The following KRTAP11-1 variants were observed in gnomAD, a reference collection of about 807,000 sequenced individuals.
KRTAP11-1 encodes keratin associated protein 11-1.
A neutral mutation model predicts 13.9 loss-of-function variants in KRTAP11-1; 17 were observed. That is an observed-to-expected ratio of 1.23 (90% CI 0.84 to 1.84). The LOEUF (loss-of-function observed/expected upper bound fraction) is 1.84, where lower values mean the gene tolerates loss of function less well. KRTAP11-1 is among the 40% of genes most tolerant of loss of function. KRTAP11-1 has a pLI of 0.00. For missense variants in KRTAP11-1, 181 were observed against 200.9 expected (o/e 0.90, Z 0.60); for synonymous variants, 69 against 81.6 (o/e 0.85, Z 0.84).
chr21:30,880,919 G>T lies in KRTAP11-1; in HGVS notation c.*114C>A. 5 of 1,377,992 alleles carry T rather than the reference G, an allele frequency of 3.6e-6. No homozygotes were observed. Among genetic ancestry groups the T allele is most frequent in the Non-Finnish European group, 5.0e-6 (5 of 1,009,404 alleles). 85.4% of individuals were successfully genotyped at this position (1,377,992 alleles called of 1,614,324 possible). A position where few individuals can be genotyped will look rare whatever the true frequency, so the allele number is the denominator to read the frequency against. On this transcript the variant is annotated 3_prime_UTR_variant, in exon 1 of 1. Transcript: ENST00000332378. ...ATGGATAGTAGCCAGCAGTCAGGCG[G>T]TCACAAGAAGGGTCAGCTATGAAGA...
In KRTAP11-1 at chr21:30,881,224, T is replaced by A; in HGVS notation, c.301A>T (p.Ser101Cys). The change falls in exon 1 of 1, where the codon AGC becomes TGC. Residue 101 changes from serine (S) to cysteine (C), a missense_variant. By Grantham distance (112) the Ser-to-Cys change is moderately radical. Transcript: ENST00000332378. ...CISNPCSTTY[S>C]RPLTFVSSGC... ...CTAGAGACAAAGGTGAGCGGCCGGC[T>A]GTAGGTAGTTGAGCAGGGGTTGGAA... is the stretch of plus-strand genomic sequence containing the variant. 6.2e-7 allele frequency: 1 copy of A among 1,614,062 alleles called. No homozygotes were observed. The highest frequency in any genetic ancestry group is 8.5e-7 in the Non-Finnish European group (1 of 1,180,010).
At position 30,880,835 on chromosome 21, in the gene KRTAP11-1, C is replaced by A. The variant is rs1399681764; in HGVS notation, c.*198G>T. 3.1e-6 allele frequency: 2 copies of A among 637,908 alleles called. No homozygotes were observed. The highest frequency in any genetic ancestry group is 5.4e-6 in the Non-Finnish European group (2 of 371,986). 39.5% of individuals were successfully genotyped at this position (637,908 alleles called of 1,614,324 possible). A position where few individuals can be genotyped will look rare whatever the true frequency, so the allele number is the denominator to read the frequency against. On this transcript the variant is annotated 3_prime_UTR_variant, in exon 1 of 1. Transcript: ENST00000332378. ...GGCATACACAGCACCAGTGAGCAAC[C>A]CTTAAAACAAGCTTAGGGCTGGCCA...
At position 30,880,725 on chromosome 21, in the gene KRTAP11-1, C is replaced by T. The variant is rs1281706884; in HGVS notation, c.*308G>A. 1 of 349,962 alleles carries T rather than the reference C, an allele frequency of 2.9e-6. No homozygotes were observed. Among genetic ancestry groups the T allele is most frequent in the Non-Finnish European group, 5.2e-6 (1 of 192,098 alleles). 21.7% of individuals were successfully genotyped at this position (349,962 alleles called of 1,614,324 possible). A position where few individuals can be genotyped will look rare whatever the true frequency, so the allele number is the denominator to read the frequency against. On this transcript the variant is annotated 3_prime_UTR_variant, in exon 1 of 1. Coordinates refer to ENST00000332378, the MANE Select transcript of KRTAP11-1 (RefSeq NM_175858.3). The stretch of plus-strand genomic sequence containing the variant: ...TTTTTGTGAGACACAAAAGCAGAGG[C>T]CAGGAGATACAGCAGCAAGGTGAAA...
In KRTAP11-1 at chr21:30,880,896, G is replaced by T; in HGVS notation, c.*137C>A. On this transcript the variant is annotated 3_prime_UTR_variant, in exon 1 of 1. Transcript: ENST00000332378. ...AGAGTGCTAAAGACAGCGTGTGCAT[G>T]GATAGTAGCCAGCAGTCAGGCGGTC... is the stretch of plus-strand genomic sequence containing the variant. 1 of 1,166,948 alleles carries T rather than the reference G, an allele frequency of 8.6e-7. No homozygotes were observed. 72.3% of individuals were successfully genotyped at this position (1,166,948 alleles called of 1,614,324 possible).
In KRTAP11-1 at chr21:30,881,008, G is replaced by A; in HGVS notation, c.*25C>T. The A allele has an allele frequency of 2.5e-6, 4 of 1,593,402 alleles. No homozygotes were observed. Among genetic ancestry groups the A allele is most frequent in the Non-Finnish European group, 3.4e-6 (4 of 1,167,782 alleles). ...AACAGCTGGCAGGTCGTGGAGTCTTGATTCGCTCACTGGCTCCTACACACT... is the reference window on the plus strand; with the variant it reads ...AACAGCTGGCAGGTCGTGGAGTCTTAATTCGCTCACTGGCTCCTACACACT... On this transcript the variant is annotated 3_prime_UTR_variant, in exon 1 of 1. Coordinates refer to ENST00000332378, the MANE Select transcript of KRTAP11-1 (RefSeq NM_175858.3).
Position 30,881,376 on chromosome 21 carries a change from G to C in KRTAP11-1, c.149C>G (p.Ser50Cys). The C allele has an allele frequency of 6.2e-7, 1 of 1,614,150 alleles. No individual in the cohort carries two copies. Among genetic ancestry groups the C allele is most frequent in the Non-Finnish European group, 8.5e-7 (1 of 1,180,016 alleles). Residue 50 changes from serine (S) to cysteine (C), a missense_variant, in exon 1 of 1, where the codon TCT becomes TGT. Ser to Cys is a moderately radical substitution (Grantham distance 112, BLOSUM62 -1). Transcript: ENST00000332378. ...CTCTTGACAGTGGTCCAGGAGCCAA[G>C]AGCCAGTCTGGAAGGAACTGGGCAA... The part of the protein sequence containing the change: ...ICLPSSFQTG[S>C]WLLDHCQETC...
Position 30,880,684 on chromosome 21 carries a change from G to C in KRTAP11-1, c.*349C>G. On this transcript the variant is annotated 3_prime_UTR_variant, in exon 1 of 1. Transcript: ENST00000332378. Reference sequence around the variant, plus strand: ...AATGCAGGTTTATTGAGAAATACATGGTGAGACAAGCTCTGTTTTTGTGAG... The same window carrying C: ...AATGCAGGTTTATTGAGAAATACATCGTGAGACAAGCTCTGTTTTTGTGAG... The C allele has an allele frequency of 3.7e-6, 1 of 270,548 alleles. No homozygotes were observed. Among genetic ancestry groups the C allele is most frequent in the Non-Finnish European group, 7.0e-6 (1 of 142,426 alleles). 16.8% of individuals were successfully genotyped at this position (270,548 alleles called of 1,614,324 possible).
Position 30,881,221 on chromosome 21 carries a change from G to C in KRTAP11-1, c.304C>G (p.Arg102Gly), listed in dbSNP as rs375660290. 6.2e-7 allele frequency: 1 copy of C among 1,614,024 alleles called. No individual in the cohort carries two copies. The highest frequency in any genetic ancestry group is 8.5e-7 in the Non-Finnish European group (1 of 1,180,034). The change falls in exon 1 of 1, where the codon CGG (arginine) becomes GGG (glycine). Residue 102 changes from arginine to glycine, a missense_variant. Arg to Gly is a moderately radical substitution (Grantham distance 125). Transcript: ENST00000332378. Reference sequence around the variant, plus strand: ...CCACTAGAGACAAAGGTGAGCGGCCGGCTGTAGGTAGTTGAGCAGGGGTTG... The same window carrying C: ...CCACTAGAGACAAAGGTGAGCGGCCCGCTGTAGGTAGTTGAGCAGGGGTTG... ...ISNPCSTTYS[R>G]PLTFVSSGCQ...
At position 30,881,471 on chromosome 21, in the gene KRTAP11-1, G is replaced by A. The variant is rs773150980; in HGVS notation, c.54C>T (p.Arg18=). The A allele has an allele frequency of 1.2e-6, 2 of 1,613,906 alleles. No homozygotes were observed. Among genetic ancestry groups the A allele is most frequent in the East Asian group, 2.2e-5 (1 of 44,874 alleles). ...RNCSSRPIGG[R]CIVPVAQVTT... ...TAACTTGGGCCACTGGAACAATGCA[G>A]CGTCCTCCAATGGGCCTGGAAGAGC... The change falls in exon 1 of 1, where the codon CGC becomes CGT. Residue 18 remains arginine (R), a synonymous_variant. Transcript: ENST00000332378.
At position 30,880,954 on chromosome 21, in the gene KRTAP11-1, G is replaced by A. The variant is rs1043020424; in HGVS notation, c.*79C>T. On this transcript the variant is annotated 3_prime_UTR_variant, in exon 1 of 1. Coordinates refer to ENST00000332378, the MANE Select transcript of KRTAP11-1 (RefSeq NM_175858.3). Reference sequence around the variant, plus strand: ...GGGTCAGCTATGAAGAGCTATTCAGGGACAAGCAGCATGCTGGAAGATCCT... The same window carrying A: ...GGGTCAGCTATGAAGAGCTATTCAGAGACAAGCAGCATGCTGGAAGATCCT... 2.6e-6 allele frequency: 4 copies of A among 1,533,718 alleles called. No homozygotes were observed. In the South Asian group the frequency reaches 5.1e-5, roughly 19 times the overall value.
At position 30,881,141 on chromosome 21, in the gene KRTAP11-1, A is replaced by G. The variant is rs1986202564; in HGVS notation, c.384T>C (p.Ser128=). ...CTCCTCCCACTGGTTGGCAGACAGTAGAGATGCCGCCCACTGGTTGGCAGA... is the reference window on the plus strand; with the variant it reads ...CTCCTCCCACTGGTTGGCAGACAGTGGAGATGCCGCCCACTGGTTGGCAGA... The part of the protein sequence containing the change: ...SSVCQPVGGI[S]TVCQPVGGVS... Residue 128 remains serine, a synonymous_variant, in exon 1 of 1, where the codon TCT becomes TCC. Coordinates refer to ENST00000332378, the MANE Select transcript of KRTAP11-1 (RefSeq NM_175858.3). 1 of 1,614,106 alleles carries G rather than the reference A, an allele frequency of 6.2e-7. No homozygotes were observed.
chr21:30,881,456 C>G lies in KRTAP11-1; in HGVS notation c.69G>C (p.Val23=). The change falls in exon 1 of 1, where the codon GTG becomes GTC. Residue 23 remains valine (V), a synonymous_variant. Transcript: ENST00000332378. The part of the protein sequence containing the change: ...RPIGGRCIVP[V]AQVTTTSTTD... The stretch of plus-strand genomic sequence containing the variant: ...TGGTGGAAGTCGTGGTAACTTGGGC[C>G]ACTGGAACAATGCAGCGTCCTCCAA... The G allele has an allele frequency of 6.2e-7, 1 of 1,614,052 alleles. No homozygotes were observed. Among genetic ancestry groups the G allele is most frequent in the Non-Finnish European group, 8.5e-7 (1 of 1,179,990 alleles).
chr21:30,880,846 G>T lies in KRTAP11-1; in HGVS notation c.*187C>A. ...CACCAGTGAGCAACCCTTAAAACAAGCTTAGGGCTGGCCAGAAAAATTTTA... is the reference window on the plus strand; with the variant it reads ...CACCAGTGAGCAACCCTTAAAACAATCTTAGGGCTGGCCAGAAAAATTTTA... On this transcript the variant is annotated 3_prime_UTR_variant, in exon 1 of 1. Transcript: ENST00000332378. 1 of 689,424 alleles carries T rather than the reference G, an allele frequency of 1.5e-6. No homozygotes were observed. Among genetic ancestry groups the T allele is most frequent in the Non-Finnish European group, 2.4e-6 (1 of 414,514 alleles). The allele number at this position is 689,424 out of a possible 1,614,324, so 42.7% of individuals were successfully genotyped here.
At position 30,881,217 on chromosome 21, in the gene KRTAP11-1, G is replaced by A. The variant is rs140256188; in HGVS notation, c.308C>T (p.Pro103Leu). ...SNPCSTTYSR[P>L]LTFVSSGCQP... is the part of the protein sequence containing the mutation. ...ACATCCACTAGAGACAAAGGTGAGC[G>A]GCCGGCTGTAGGTAGTTGAGCAGGG... The change falls in exon 1 of 1, where the codon CCG becomes CTG. Residue 103 changes from proline to leucine, a missense_variant. Pro to Leu is a moderately conservative substitution (Grantham distance 98). Coordinates refer to ENST00000332378, the MANE Select transcript of KRTAP11-1 (RefSeq NM_175858.3). The A allele has an allele frequency of 3.7e-5, 60 of 1,613,996 alleles. No homozygotes were observed. The highest frequency in any genetic ancestry group is 4.6e-5 in the Non-Finnish European group (54 of 1,180,014).
In KRTAP11-1 at chr21:30,881,353, CTT is replaced by C; in HGVS notation, c.170_171del (p.Gln57ArgfsTer5). 1 of 1,614,104 alleles carries C rather than the reference CTT, an allele frequency of 6.2e-7. No individual in the cohort carries two copies. Among genetic ancestry groups the C allele is most frequent in the Non-Finnish European group, 8.5e-7 (1 of 1,180,008 alleles). ...QTGSWLLDHC[Q>X]ETCCEPTACQ... is the part of the protein sequence containing the mutation. ...CAAGCAGTGGGCTCACAGCAGGTCT[CTT>C]GACAGTGGTCCAGGAGCCAAGAGCC... On this transcript the variant is annotated frameshift_variant, in exon 1 of 1. Transcript: ENST00000332378. LOFTEE classifies it high-confidence loss of function.
Position 30,880,739 on chromosome 21 carries a change from A to T in KRTAP11-1, c.*294T>A. ...AAAAGCAGAGGCCAGGAGATACAGC[A>T]GCAAGGTGAAAACATGTCAAAAGCA... is the stretch of plus-strand genomic sequence containing the variant. On this transcript the variant is annotated 3_prime_UTR_variant, in exon 1 of 1. Coordinates refer to ENST00000332378, the MANE Select transcript of KRTAP11-1 (RefSeq NM_175858.3). 1 of 389,200 alleles carries T rather than the reference A, an allele frequency of 2.6e-6. No individual in the cohort carries two copies. The highest frequency in any genetic ancestry group is 4.6e-6 in the Non-Finnish European group (1 of 216,344). 24.1% of individuals were successfully genotyped at this position (389,200 alleles called of 1,614,324 possible). A position where few individuals can be genotyped will look rare whatever the true frequency, so the allele number is the denominator to read the frequency against.
chr21:30,881,467 T>C lies in KRTAP11-1; in HGVS notation c.58A>G (p.Ile20Val), dbSNP rs769649311. Residue 20 changes from isoleucine (I) to valine (V), a missense_variant, in exon 1 of 1, where the codon ATT (isoleucine) becomes GTT (valine). Transcript: ENST00000332378. ...GTGGTAACTTGGGCCACTGGAACAA[T>C]GCAGCGTCCTCCAATGGGCCTGGAA... is the stretch of plus-strand genomic sequence containing the variant. ...CSSRPIGGRC[I>V]VPVAQVTTTS... The C allele has an allele frequency of 2.5e-6, 4 of 1,614,052 alleles. No homozygotes were observed. Among genetic ancestry groups the C allele is most frequent in the Non-Finnish European group, 3.4e-6 (4 of 1,179,972 alleles).
chr21:30,881,458 C>T lies in KRTAP11-1; in HGVS notation c.67G>A (p.Val23Met), dbSNP rs780153903. ...RPIGGRCIVPVAQVTTTSTTD... is the reference protein window; with the variant it reads ...RPIGGRCIVPMAQVTTTSTTD... The stretch of plus-strand genomic sequence containing the variant: ...GTGGAAGTCGTGGTAACTTGGGCCA[C>T]TGGAACAATGCAGCGTCCTCCAATG... The change falls in exon 1 of 1, where the codon GTG becomes ATG. Residue 23 changes from valine (V) to methionine (M), a missense_variant. By Grantham distance (21) the Val-to-Met change is conservative (BLOSUM62 1). Transcript: ENST00000332378. 1 of 1,614,044 alleles carries T rather than the reference C, an allele frequency of 6.2e-7. No homozygotes were observed. Among genetic ancestry groups the T allele is most frequent in the Non-Finnish European group, 8.5e-7 (1 of 1,179,994 alleles).
rs1986214504 is a variant in KRTAP11-1 at position 30,881,534 on chromosome 21, C to G, written c.-10G>C. The stretch of plus-strand genomic sequence containing the variant: ...AGCAGTTGAAGGACATGATGTCAGA[C>G]AGAGGGCTGCAGGTAGCTTGCTGAA... On this transcript the variant is annotated 5_prime_UTR_variant, in exon 1 of 1. Transcript: ENST00000332378. 2 of 1,589,568 alleles carry G rather than the reference C, an allele frequency of 1.3e-6. No individual in the cohort carries two copies. The highest frequency in any genetic ancestry group is 1.3e-5 in the African/African-American group (1 of 74,688).
Sources: allele counts gnomAD v4.1 joint callset, GRCh38; gene constraint gnomAD v4.1.1; transcripts MANE v1.5; gene names NCBI Gene and HGNC (gene_info 2026-07-23, HGNC 2026-07-21).